BEND5: variants seen among roughly 807,000 people sequenced by gnomAD.
BEND5 encodes BEN domain-containing protein 5.
In BEND5, 22 loss-of-function variants were observed where a neutral mutation model predicts 43.9. The observed-to-expected ratio is 0.50, with a 90% confidence interval of 0.36 to 0.72. The LOEUF is 0.72. Ranked by LOEUF, BEND5 falls within the 30% of genes least tolerant of loss-of-function variation. The pLI is 0.00. For synonymous variants in BEND5, 228 were observed against 225.9 expected (o/e 1.01, Z -0.08); for missense variants, 428 against 550.6 (o/e 0.78, Z 2.23).
At chr1:48,743,027 T>C (rs923550990) in intron 3 of BEND5, among the ~76,000 whole-genome samples, 1 of 152,164 alleles carries the variant, frequency 6.6e-6, no homozygotes, top group Non-Finnish European at 1.5e-5. Flanking sequence ...CAGGGTGTCA[T>C]TGTCTAAATG....
intron 3 of BEND5, among the ~76,000 whole-genome samples, chr1:48,744,110 T>C (rs934930896): frequency 2.0e-5 from 3 of 152,110 alleles, no homozygotes; most frequent in African/African-American, 7.2e-5. Flanking sequence ...ATTACAGATA[T>C]AGAACCTGGC....
Position 48,776,815 on chromosome 1 carries a change from C to T in BEND5, c.17G>A (p.Arg6Gln). 6.6e-7 allele frequency: 1 copy of T among 1,516,978 alleles called. No homozygotes were observed. The highest frequency in any genetic ancestry group is 8.8e-7 in the Non-Finnish European group (1 of 1,133,650). The allele number at this position is 1,516,978 out of a possible 1,614,324, so 94.0% of individuals were successfully genotyped here. The change falls in exon 1 of 6, where the codon CGG (arginine) becomes CAG (glutamine). Residue 6 changes from arginine (R) to glutamine (Q), a missense_variant. By Grantham distance (43) the Arg-to-Gln change is conservative (BLOSUM62 1). Coordinates refer to ENST00000371833, the MANE Select transcript of BEND5 (RefSeq NM_024603.4). MYAFV[R>Q]FLEDNVCYAL... ...GTAGCAGACGTTGTCCTCCAGGAACCGCACAAAGGCGTACATGGTGGGCGC... is the reference window on the plus strand; with the variant it reads ...GTAGCAGACGTTGTCCTCCAGGAACTGCACAAAGGCGTACATGGTGGGCGC...
At chr1:48,765,797 A>C (rs1371708330) in intron 1 of BEND5, among the ~76,000 whole-genome samples, 4 of 152,222 alleles carry the variant, frequency 2.6e-5, no homozygotes, top group Non-Finnish European at 5.9e-5. Context: ...TATTATGGAA[A>C]GTAAAAGAAG....
chr1:48,728,627 A>C (rs560217864), intron 5 of BEND5, among the ~76,000 whole-genome samples: 36 of 152,162 alleles, frequency 2.4e-4, no homozygotes, highest in Non-Finnish European at 3.7e-4. Context: ...TTGTCAATGG[A>C]TACTTGGTTT....
intron 3 of BEND5, among the ~76,000 whole-genome samples, chr1:48,753,132 A>C (rs1346085715): frequency 1.3e-5 from 2 of 152,226 alleles, no homozygotes; most frequent in African/African-American, 4.8e-5. Context: ...GAGGAAGTTA[A>C]GTAACTTGCC....
rs1462536050 is a variant in BEND5, at chr1:48,776,710, T to C, written c.122A>G (p.Tyr41Cys). 6.6e-7 allele frequency: 1 copy of C among 1,522,018 alleles called. No individual in the cohort carries two copies. The highest frequency in any genetic ancestry group is 8.8e-7 in the Non-Finnish European group (1 of 1,135,612). The allele number at this position is 1,522,018 out of a possible 1,614,324, so 94.3% of individuals were successfully genotyped here. A position where few individuals can be genotyped will look rare whatever the true frequency, so the allele number is the denominator to read the frequency against. The change falls in exon 1 of 6, where the codon TAC becomes TGC. Residue 41 changes from tyrosine (Y) to cysteine (C), a missense_variant. By Grantham distance (194) the Tyr-to-Cys change is radical. Coordinates refer to ENST00000371833, the MANE Select transcript of BEND5 (RefSeq NM_024603.4). Reference sequence around the variant, plus strand: ...GGCGCCCAATTCCTCCGGGCCCCGGTACACGGCGTACACCTTCTGGTTGTC... The same window carrying C: ...GGCGCCCAATTCCTCCGGGCCCCGGCACACGGCGTACACCTTCTGGTTGTC... ...DFDNQKVYAV[Y>C]RGPEELGAGP... is the part of the protein sequence containing the mutation.
At position 48,746,169 on chromosome 1, in the gene BEND5, CTA is replaced by C. The variant is rs201496506; in HGVS notation, c.746-3400_746-3399del. ...CAAGACTGAGGATTAAATCAGATAA[CTA>C]TATATATATATTCGTATATTTATAT... On this transcript the variant is annotated intron_variant, in intron 3 of 5. Coordinates refer to ENST00000371833, the MANE Select transcript of BEND5 (RefSeq NM_024603.4). Among the ~76,000 whole-genome samples, 1,033 of 151,904 alleles carry C rather than the reference CTA, an allele frequency of 6.8e-3. 16 individuals carry two copies. The highest frequency in any genetic ancestry group is 0.023 in the African/African-American group (957 of 41,450).
chr1:48,742,841 C>T (rs948022176), intron 3 of BEND5, 70 bp from the exon 4 acceptor site: 4 of 1,413,014 alleles, frequency 2.8e-6, no homozygotes, highest in Non-Finnish European at 3.7e-6. Context: ...TTTAACTAGG[C>T]ATCTATCAGC....
intron 1 of BEND5, among the ~76,000 whole-genome samples, chr1:48,761,708 A>G (rs924248678): frequency 1.3e-5 from 2 of 152,230 alleles, no homozygotes; most frequent in African/African-American, 2.4e-5. Flanking sequence ...AATAGCAGCC[A>G]GTGAATTTGC....
intron 3 of BEND5, among the ~76,000 whole-genome samples, chr1:48,743,845 G>A (rs1650310667): frequency 6.6e-6 from 1 of 152,212 alleles, no homozygotes; most frequent in Non-Finnish European, 1.5e-5. Flanking sequence ...AGGTCCTGGT[G>A]AATTTGTTAC....
At chr1:48,752,909 C>T (rs1382011808) in intron 3 of BEND5, among the ~76,000 whole-genome samples, 1 of 152,138 alleles carries the variant, frequency 6.6e-6, no homozygotes, top group Non-Finnish European at 1.5e-5. Flanking sequence ...GCCCCCATGC[C>T]CAGCTAATTT....
intron 3 of BEND5, among the ~76,000 whole-genome samples, chr1:48,745,688 T>C (rs1445917137): frequency 6.6e-6 from 1 of 152,192 alleles, no homozygotes; most frequent in Non-Finnish European, 1.5e-5. Context: ...ATCTCTCCAA[T>C]GAGGCTGCCC....
chr1:48,733,935 T>C (rs979465719), intron 5 of BEND5, among the ~76,000 whole-genome samples: 2 of 152,050 alleles, frequency 1.3e-5, no homozygotes, highest in Admixed American at 6.6e-5. Context: ...ACACAGCAGA[T>C]GATTTTATAC....
intron 5 of BEND5, among the ~76,000 whole-genome samples, chr1:48,730,411 C>T (rs573584110): frequency 2.6e-4 from 39 of 152,282 alleles, no homozygotes; most frequent in African/African-American, 9.1e-4. Flanking sequence ...ACGAAAGTAG[C>T]ATTTCAAACC....
chr1:48,729,231 A>G (rs183557153), intron 5 of BEND5, among the ~76,000 whole-genome samples: 1 of 152,332 alleles, frequency 6.6e-6, no homozygotes, highest in East Asian at 1.9e-4. Context: ...ATTAATTCCT[A>G]GGGCCTAACA....
At chr1:48,744,398 G>A (rs1650409177) in intron 3 of BEND5, among the ~76,000 whole-genome samples, 1 of 152,202 alleles carries the variant, frequency 6.6e-6, no homozygotes, top group South Asian at 2.1e-4. Context: ...TGGAGCATTT[G>A]ATCTTTTCTC....
chr1:48,768,565 CA>C (rs1331111581), intron 1 of BEND5, among the ~76,000 whole-genome samples: 1 of 152,122 alleles, frequency 6.6e-6, no homozygotes, highest in Non-Finnish European at 1.5e-5. Flanking sequence ...AAACCCAATG[CA>C]AGTCTGTATT....
At chr1:48,776,524 C>A in intron 1 of BEND5, 82 bp downstream of exon 1, 1 of 998,440 alleles carries the variant, frequency 1.0e-6, no homozygotes, top group Non-Finnish European at 1.4e-6. Context: ...TCCCCCCGGT[C>A]CCCTCCGCCC....
At chr1:48,751,178 G>C (rs1651680071) in intron 3 of BEND5, among the ~76,000 whole-genome samples, 1 of 152,158 alleles carries the variant, frequency 6.6e-6, no homozygotes, top group Admixed American at 6.5e-5. Context: ...AAAACTCCAG[G>C]AATTGTCCAA....
Sources: allele counts gnomAD v4.1 joint callset (sites outside exome capture counted in the v4.1 genomes callset), GRCh38; gene constraint gnomAD v4.1.1; transcripts MANE v1.5; gene names NCBI Gene and HGNC (gene_info 2026-07-23, HGNC 2026-07-21).